Variants in GALNT13 observed in about 807,000 individuals in gnomAD.
The protein encoded by GALNT13 is polypeptide N-acetylgalactosaminyltransferase 13, also known as UDP-GalNAc:polypeptide N-acetylgalactosaminyltransferase 13.
Under a neutral mutation model 64.2 loss-of-function variants are expected in GALNT13, and 28 were observed. The ratio of observed to expected loss-of-function variants is 0.44; its 90% CI spans 0.32 to 0.60. The LOEUF (loss-of-function observed/expected upper bound fraction) is 0.60, where lower values mean the gene tolerates loss of function less well. GALNT13 is among the 20% of genes least tolerant of loss of function. The pLI is 0.05. For synonymous variants in GALNT13, 214 were observed against 224.6 expected (o/e 0.95, Z 0.42); for missense variants, 577 against 669.8 (o/e 0.86, Z 1.53).
At chr2:154,017,403 C>T (rs1462301480) in intron 3 of GALNT13, among the ~76,000 whole-genome samples, 2 of 152,026 alleles carry the variant, frequency 1.3e-5, no homozygotes, top group Non-Finnish European at 2.9e-5. Flanking sequence ...TGTCAAAATC[C>T]ACTCTCTTCC....
chr2:153,547,311 T>C, the GALNT13 span, among the ~76,000 whole-genome samples: 11 of 152,228 alleles, frequency 7.2e-5, no homozygotes, highest in African/African-American at 9.6e-5. Context: ...TTGTACTATG[T>C]CGAAATACTC....
the GALNT13 span, among the ~76,000 whole-genome samples, chr2:153,279,113 T>C: frequency 6.6e-6 from 1 of 152,134 alleles, no homozygotes; most frequent in Non-Finnish European, 1.5e-5. Context: ...TTTGTGTGTG[T>C]GTGGCTATTG....
chr2:153,478,266 C>T, the GALNT13 span: 1 of 1,613,844 alleles, frequency 6.2e-7, no homozygotes, highest in Non-Finnish European at 8.5e-7. Context: ...CCGCCTCCAC[C>T]TCCTTAGACG....
At chr2:153,645,074 G>A in the GALNT13 span, among the ~76,000 whole-genome samples, 5 of 152,096 alleles carry the variant, frequency 3.3e-5, no homozygotes, top group African/African-American at 1.2e-4. Context: ...TCACTATTGT[G>A]AAACATTTTC....
At chr2:153,874,086 C>A (rs544677823) in intron 1 of GALNT13, among the ~76,000 whole-genome samples, 1 of 147,396 alleles carries the variant, frequency 6.8e-6, no homozygotes, top group Non-Finnish European at 1.5e-5. Flanking sequence ...CCCCCGCACC[C>A]CCCTCCCGCA....
chr2:153,190,327 T>C, the GALNT13 span, among the ~76,000 whole-genome samples: 1 of 152,104 alleles, frequency 6.6e-6, no homozygotes, highest in Non-Finnish European at 1.5e-5. Context: ...CAGCACAACT[T>C]ATTGAAGAGA....
chr2:153,672,088 C>G, the GALNT13 span, among the ~76,000 whole-genome samples: 1 of 152,108 alleles, frequency 6.6e-6, no homozygotes, highest in Admixed American at 6.5e-5. Context: ...CTTAGAATCC[C>G]ACACAATAAT....
chr2:154,068,028 A>G (rs1700557444), intron 3 of GALNT13, among the ~76,000 whole-genome samples: 1 of 152,054 alleles, frequency 6.6e-6, no homozygotes, highest in African/African-American at 2.4e-5. Flanking sequence ...AAAATCTAAT[A>G]ATCCATTTAA....
the GALNT13 span, among the ~76,000 whole-genome samples, chr2:153,119,920 A>AATATTGCC: frequency 2.3e-4 from 35 of 152,264 alleles, no homozygotes; most frequent in African/African-American, 7.0e-4. Context: ...TATACTTTAA[A>AATATTGCC]ATATTGCCTT....
At chr2:153,566,315 A>G in the GALNT13 span, among the ~76,000 whole-genome samples, 1 of 146,792 alleles carries the variant, frequency 6.8e-6, no homozygotes, top group African/African-American at 2.5e-5. Context: ...TGTTTGTTGC[A>G]TGTTAGAAAT....
chr2:153,627,974 C>T, the GALNT13 span, among the ~76,000 whole-genome samples: 8 of 152,198 alleles, frequency 5.3e-5, no homozygotes, highest in East Asian at 1.5e-3. Context: ...TGATTCTTCC[C>T]ACCCATGAGC....
At chr2:153,186,880 G>A in the GALNT13 span, among the ~76,000 whole-genome samples, 3 of 152,122 alleles carry the variant, frequency 2.0e-5, no homozygotes, top group African/African-American at 7.2e-5. Flanking sequence ...GTGAGTTTTT[G>A]TAGTGGCAGG....
At chr2:153,293,793 C>G in the GALNT13 span, among the ~76,000 whole-genome samples, 2,276 of 32,584 alleles carry the variant, frequency 0.07, 28 homozygotes, top group African/African-American at 0.22. Context: ...GTGTGTGTGT[C>G]TGTGTGTGTG....
At chr2:154,315,276 C>A (rs1033352255) in intron 9 of GALNT13, among the ~76,000 whole-genome samples, 3 of 152,080 alleles carry the variant, frequency 2.0e-5, no homozygotes, top group African/African-American at 7.2e-5. Context: ...AATAAAAATT[C>A]TATACTTATT....
At chr2:154,016,409 G>A (rs1265560015) in intron 3 of GALNT13, among the ~76,000 whole-genome samples, 1 of 152,014 alleles carries the variant, frequency 6.6e-6, no homozygotes, top group Non-Finnish European at 1.5e-5. Flanking sequence ...TATTGTACTA[G>A]ATTGTGTTTT....
At chr2:153,846,121 G>A in the GALNT13 span, among the ~76,000 whole-genome samples, 4 of 152,116 alleles carry the variant, frequency 2.6e-5, no homozygotes, top group Non-Finnish European at 5.9e-5. Flanking sequence ...TTAGGCAGAA[G>A]CAAAATGATT....
intron 10 of GALNT13, 99 bp downstream of exon 10, chr2:154,396,229 G>T: frequency 1.4e-6 from 1 of 698,998 alleles, no homozygotes; most frequent in Non-Finnish European, 2.2e-6. Flanking sequence ...ATGCTGTAAG[G>T]GATTTTTAAT....
the GALNT13 span, among the ~76,000 whole-genome samples, chr2:153,544,960 A>T: frequency 6.6e-6 from 1 of 152,230 alleles, no homozygotes; most frequent in Non-Finnish European, 1.5e-5. Flanking sequence ...AACATTCGTA[A>T]GGGAGGGGTA....
At chr2:153,905,597 G>A (rs1458139904) in intron 2 of GALNT13, among the ~76,000 whole-genome samples, 1 of 151,966 alleles carries the variant, frequency 6.6e-6, no homozygotes, top group Non-Finnish European at 1.5e-5. Context: ...ATGAGATGAA[G>A]TCTTGTGAAT....
Sources: allele counts gnomAD v4.1 joint callset (sites outside exome capture counted in the v4.1 genomes callset), GRCh38; gene constraint gnomAD v4.1.1; transcripts MANE v1.5; gene names NCBI Gene and HGNC (gene_info 2026-07-23, HGNC 2026-07-21).